The following VCL variants were observed in gnomAD, a reference collection of about 807,000 sequenced individuals.
VCL encodes epididymis luminal protein 114.
A neutral mutation model predicts 125.7 loss-of-function variants in VCL; 47 were observed. The observed-to-expected ratio is 0.37, with a 90% confidence interval of 0.30 to 0.48. The LOEUF (loss-of-function observed/expected upper bound fraction) is 0.48, where lower values mean the gene tolerates loss of function less well. VCL is among the 20% of genes least tolerant of loss of function. The pLI is 0.99. For missense variants in VCL, 1,069 were observed against 1,455.5 expected, an observed-to-expected ratio of 0.73 and a Z score of 4.32; for synonymous variants, 458 against 514.6, an observed-to-expected ratio of 0.89 and a Z score of 1.49.
intron 5 of VCL, 77 bp from the exon 6 acceptor site, chr10:74,074,666 G>A: frequency 6.5e-7 from 1 of 1,543,756 alleles, no homozygotes; most frequent in African/African-American, 1.4e-5. Context: ...CATCTAAAGT[G>A]TAGAACATCT....
chr10:74,009,827 T>C (rs1840397589), intron 1 of VCL, among the ~76,000 whole-genome samples: 1 of 151,622 alleles, frequency 6.6e-6, no homozygotes, highest in Non-Finnish European at 1.5e-5. Flanking sequence ...CAGGCTGGTC[T>C]TGAACTCCTG....
In VCL at chr10:74,074,835, G is replaced by A; in HGVS notation, c.715G>A (p.Ala239Thr). Residue 239 changes from alanine to threonine, a missense_variant, in exon 6 of 22, where the codon GCT becomes ACT. Coordinates refer to ENST00000211998, the MANE Select transcript of VCL (RefSeq NM_014000.3). Reference sequence around the variant, plus strand: ...CAATTTTACTGTAGAAAAAATGAGTGCTGAAATTAATGAGATAATTCGTGT... The same window carrying A: ...CAATTTTACTGTAGAAAAAATGAGTACTGAAATTAATGAGATAATTCGTGT... The part of the protein sequence containing the change: ...NRNFTVEKMS[A>T]EINEIIRVLQ... 4 of 1,614,170 alleles carry A rather than the reference G, an allele frequency of 2.5e-6. No homozygotes were observed. Among genetic ancestry groups the A allele is most frequent in the Non-Finnish European group, 3.4e-6 (4 of 1,180,030 alleles).
chr10:74,070,601 C>T (rs896223529), intron 2 of VCL, 69 bp from the exon 3 acceptor site: 16 of 1,598,070 alleles, frequency 1.0e-5, no homozygotes, highest in Admixed American at 8.3e-5. Flanking sequence ...CATATTCTCT[C>T]TTTGTATTTG....
At chr10:74,045,117 G>A (rs1841172843) in intron 2 of VCL, among the ~76,000 whole-genome samples, 1 of 152,124 alleles carries the variant, frequency 6.6e-6, no homozygotes, top group Non-Finnish European at 1.5e-5. Context: ...GCTGCAGTGA[G>A]CTGTGACTGC....
chr10:74,048,192 G>A (rs1217944733), intron 2 of VCL, among the ~76,000 whole-genome samples: 1 of 152,106 alleles, frequency 6.6e-6, no homozygotes, highest in Non-Finnish European at 1.5e-5. Context: ...TTCCTGGCTG[G>A]GTGCGCTAGC....
intron 1 of VCL, among the ~76,000 whole-genome samples, chr10:74,015,990 T>C (rs575881887): frequency 2.6e-4 from 39 of 152,112 alleles, no homozygotes; most frequent in Admixed American, 1.8e-3. Context: ...CAGCCTTTTT[T>C]CTTTTTATTT....
chr10:74,037,009 C>A (rs796131813), intron 1 of VCL, among the ~76,000 whole-genome samples: 1 of 151,574 alleles, frequency 6.6e-6, no homozygotes, highest in Non-Finnish European at 1.5e-5. Flanking sequence ...CTCCCGGGTT[C>A]GCGCCATTCT....
chr10:74,091,642 A>G (rs1839886780), intron 10 of VCL, among the ~76,000 whole-genome samples: 1 of 151,528 alleles, frequency 6.6e-6, no homozygotes, highest in Admixed American at 6.6e-5. Context: ...AAATACAAAA[A>G]TTAGCCAGGC....
Position 74,070,730 on chromosome 10 carries a change from C to T in VCL, c.300C>T (p.Tyr100=), listed in dbSNP as rs71535779. The T allele has an allele frequency of 6.2e-7, 1 of 1,614,080 alleles. No individual in the cohort carries two copies. Among genetic ancestry groups the T allele is most frequent in the Admixed American group, 1.7e-5 (1 of 60,006 alleles). Residue 100 remains tyrosine, a synonymous_variant, in exon 3 of 22, where the codon TAC becomes TAT. Transcript: ENST00000211998. ...QAAQMLQSDP[Y]SVPARDYLID... ...CTCAGATGCTTCAGTCAGACCCTTA[C>T]TCAGTGCCTGCTCGAGATTATCTAA... is the stretch of plus-strand genomic sequence containing the variant.
rs1591644622 is a variant in VCL, at chr10:74,002,999, A to AAAT, written c.168+4625_168+4626insATA. On this transcript the variant is annotated intron_variant, in intron 1 of 21. Transcript: ENST00000211998. The stretch of plus-strand genomic sequence containing the variant: ...GTCTGGTCACTGATATATATATATA[A>AAAT]ATATATATATAAAATTTGCAACTGG... Among the ~76,000 whole-genome samples, 7 of 149,976 alleles carry AAAT rather than the reference A, an allele frequency of 4.7e-5. No individual in the cohort carries two copies. In the East Asian group the frequency reaches 1.4e-3, roughly 29 times the overall value.
At chr10:74,015,312 G>C (rs965576925) in intron 1 of VCL, among the ~76,000 whole-genome samples, 7 of 152,172 alleles carry the variant, frequency 4.6e-5, no homozygotes, top group Non-Finnish European at 7.3e-5. Context: ...CAGCACTTTG[G>C]GGGGCCCAGG....
intron 1 of VCL, among the ~76,000 whole-genome samples, chr10:74,041,657 C>A (rs1321017972): frequency 1.3e-5 from 2 of 151,084 alleles, no homozygotes; most frequent in Non-Finnish European, 2.9e-5. Flanking sequence ...CTTTGGGAGG[C>A]AAGGTGGGTG....
chr10:74,105,491 G>A lies in VCL; in HGVS notation c.2434+138G>A. ...ATAGACACTTAGTTTGAGAATGCTA[G>A]ATTAATCTTTTTCCATCCAAGTCTC... On this transcript the variant is annotated intron_variant, in intron 16 of 21. Transcript: ENST00000211998. 7 of 1,115,282 alleles carry A rather than the reference G, an allele frequency of 6.3e-6. No homozygotes were observed. The South Asian group carries it at 9.1e-5, about 15-fold the overall frequency. 69.1% of individuals were successfully genotyped at this position (1,115,282 alleles called of 1,614,324 possible).
At chr10:74,022,058 C>T (rs952879343) in intron 1 of VCL, among the ~76,000 whole-genome samples, 12 of 152,070 alleles carry the variant, frequency 7.9e-5, no homozygotes, top group Non-Finnish European at 1.6e-4. Flanking sequence ...ATTTAAATTC[C>T]TTATTCTAGC....
intron 2 of VCL, among the ~76,000 whole-genome samples, chr10:74,067,752 G>T (rs1175306503): frequency 6.6e-6 from 1 of 152,226 alleles, no homozygotes; most frequent in Non-Finnish European, 1.5e-5. Context: ...CGTAGTGTAT[G>T]AATTCTTTTG....
intron 2 of VCL, among the ~76,000 whole-genome samples, chr10:74,051,320 G>A (rs927005683): frequency 3.3e-5 from 5 of 149,934 alleles, no homozygotes; most frequent in African/African-American, 1.2e-4. Flanking sequence ...CACTGCAACC[G>A]CTGCCTCCTG....
At chr10:74,032,618 T>C (rs1277793468) in intron 1 of VCL, among the ~76,000 whole-genome samples, 1 of 151,694 alleles carries the variant, frequency 6.6e-6, no homozygotes, top group East Asian at 1.9e-4. Flanking sequence ...GAGAATCGCT[T>C]GAACCCGGGA....
chr10:74,115,194 A>G (rs539232919), intron 21 of VCL, among the ~76,000 whole-genome samples: 1 of 152,164 alleles, frequency 6.6e-6, no homozygotes. Context: ...GCACCACTGC[A>G]CTGCAGCCTG....
At chr10:74,031,192 A>G (rs1184299432) in intron 1 of VCL, among the ~76,000 whole-genome samples, 1 of 152,178 alleles carries the variant, frequency 6.6e-6, no homozygotes, top group African/African-American at 2.4e-5. Flanking sequence ...AAGAAGATAT[A>G]GCCCATTACC....
Sources: gnomAD v4.1 joint callset for allele counts (sites outside exome capture counted in the v4.1 genomes callset) on GRCh38, gnomAD v4.1.1 for gene constraint, MANE v1.5 for transcripts, NCBI Gene and HGNC (gene_info 2026-07-23, HGNC 2026-07-21) for gene names.